Variants in DPYD observed in about 807,000 individuals in gnomAD.
DPYD encodes dihydropyrimidine dehydrogenase [NADP(+)].
DPYD carries 109 observed loss-of-function variants against 116.2 expected under a neutral mutation model. The ratio of observed to expected loss-of-function variants is 0.94; its 90% CI spans 0.80 to 1.10. The LOEUF (loss-of-function observed/expected upper bound fraction) is 1.10, where lower values mean the gene tolerates loss of function less well. DPYD is among the 50% of genes least tolerant of loss of function. DPYD has a pLI of 0.00. For synonymous variants in DPYD, 440 were observed against 432.0 expected (o/e 1.02, Z -0.23); for missense variants, 1,302 against 1,254.5 (o/e 1.04, Z -0.57).
At chr1:97,485,924 A>C (rs947116890) in intron 13 of DPYD, among the ~76,000 whole-genome samples, 1 of 152,216 alleles carries the variant, frequency 6.6e-6, no homozygotes, top group African/African-American at 2.4e-5. Flanking sequence ...GTAGTTTTAA[A>C]AAATTGATAT....
At chr1:97,824,671 A>C (rs933439012) in intron 3 of DPYD, among the ~76,000 whole-genome samples, 2 of 152,052 alleles carry the variant, frequency 1.3e-5, no homozygotes, top group African/African-American at 4.8e-5. Context: ...CAGGAATTCC[A>C]TTCCCCTGTC....
chr1:97,548,621 C>T (rs1169613625), intron 12 of DPYD, among the ~76,000 whole-genome samples: 1 of 152,018 alleles, frequency 6.6e-6, no homozygotes, highest in Non-Finnish European at 1.5e-5. Context: ...CCTATAGTCC[C>T]AGCTACTCAG....
intron 19 of DPYD, among the ~76,000 whole-genome samples, chr1:97,227,642 TTTGG>T (rs199589890): frequency 0.026 from 4,008 of 151,984 alleles, 180 homozygotes; most frequent in African/African-American, 0.092. Context: ...ATAAATGCAA[TTTGG>T]TTTTCTCAGC....
intron 8 of DPYD, among the ~76,000 whole-genome samples, chr1:97,637,419 T>G (rs114280634): frequency 2.5e-3 from 387 of 152,232 alleles, no homozygotes; most frequent in African/African-American, 7.5e-3. Context: ...ATAAACCTTT[T>G]TTCCTTCTGA....
chr1:97,834,722 T>C (rs917057985), intron 2 of DPYD, among the ~76,000 whole-genome samples: 11 of 151,874 alleles, frequency 7.2e-5, no homozygotes, highest in Non-Finnish European at 1.0e-4. Context: ...AGTACATGCA[T>C]TTCTCATGTA....
intron 20 of DPYD, among the ~76,000 whole-genome samples, chr1:97,174,441 G>T (rs923951812): frequency 2.6e-5 from 4 of 151,176 alleles, no homozygotes; most frequent in African/African-American, 9.7e-5. Context: ...CAGCCTCCCT[G>T]ATGTGAAAGG....
At chr1:97,610,040 T>G (rs1571054710) in intron 8 of DPYD, among the ~76,000 whole-genome samples, 1 of 152,176 alleles carries the variant, frequency 6.6e-6, no homozygotes, top group East Asian at 1.9e-4. Flanking sequence ...AGTGTTATTT[T>G]TCTTCTTTCA....
intron 13 of DPYD, among the ~76,000 whole-genome samples, chr1:97,496,340 C>T (rs1348346779): frequency 6.6e-6 from 1 of 151,988 alleles, no homozygotes; most frequent in Non-Finnish European, 1.5e-5. Context: ...AAGCACATTG[C>T]CTAGAAATAA....
intron 14 of DPYD, among the ~76,000 whole-genome samples, chr1:97,427,758 G>T (rs977713322): frequency 6.6e-6 from 1 of 151,106 alleles, no homozygotes; most frequent in Non-Finnish European, 1.5e-5. Flanking sequence ...TCCAGAAATA[G>T]ATATTAATCC....
rs527553220 is a variant in DPYD at position 97,538,626 on chromosome 1, C to T, written c.1524+10934G>A. ...TCATGAACCTAATAAACACCTATTT[C>T]AAAATATACCCATATACTACATGTA... On this transcript the variant is annotated intron_variant, in intron 12 of 22. Transcript: ENST00000370192. 9.9e-5 allele frequency among the ~76,000 whole-genome samples: 15 copies of T among 152,278 alleles called. No individual in the cohort carries two copies. In the South Asian group the frequency reaches 2.7e-3, roughly 27 times the overall value.
chr1:97,695,495 G>C (rs561128964), intron 6 of DPYD, among the ~76,000 whole-genome samples: 1 of 150,176 alleles, frequency 6.7e-6, no homozygotes, highest in African/African-American at 2.5e-5. Flanking sequence ...GTCTCCCCAC[G>C]ACTAAAATAT....
chr1:97,521,336 C>A (rs1648647677), intron 12 of DPYD, among the ~76,000 whole-genome samples: 1 of 151,964 alleles, frequency 6.6e-6, no homozygotes, highest in Admixed American at 6.6e-5. Context: ...GAATAAAATA[C>A]CAAGAAATAC....
intron 18 of DPYD, among the ~76,000 whole-genome samples, chr1:97,237,878 A>T (rs1267643369): frequency 1.3e-5 from 2 of 152,154 alleles, no homozygotes; most frequent in African/African-American, 4.8e-5. Flanking sequence ...AGTAAATTTG[A>T]GCTAAGTAGA....
intron 8 of DPYD, among the ~76,000 whole-genome samples, chr1:97,663,801 T>C (rs1659401431): frequency 2.0e-5 from 3 of 152,168 alleles, no homozygotes; most frequent in Non-Finnish European, 4.4e-5. Flanking sequence ...AGCAAGAATA[T>C]AGAGCTGTTA....
intron 20 of DPYD, among the ~76,000 whole-genome samples, chr1:97,132,398 G>A (rs922686751): frequency 3.3e-5 from 5 of 151,928 alleles, no homozygotes; most frequent in African/African-American, 7.2e-5. Flanking sequence ...ACATAGCTAC[G>A]GTACAGTGTA....
intron 19 of DPYD, among the ~76,000 whole-genome samples, chr1:97,212,643 A>G (rs1319905810): frequency 6.6e-6 from 1 of 152,126 alleles, no homozygotes; most frequent in Non-Finnish European, 1.5e-5. Context: ...AGAAACTGCC[A>G]AACTGTTTTC....
intron 1 of DPYD, among the ~76,000 whole-genome samples, chr1:97,898,566 TTTTG>T (rs1225877037): frequency 6.6e-6 from 1 of 151,860 alleles, no homozygotes; most frequent in Non-Finnish European, 1.5e-5. Context: ...GTTTCATATA[TTTTG>T]TTTCTTTTTT....
chr1:97,417,335 A>G (rs1200076755), intron 14 of DPYD, among the ~76,000 whole-genome samples: 4 of 152,078 alleles, frequency 2.6e-5, no homozygotes, highest in African/African-American at 9.7e-5. Flanking sequence ...CTCTATCTCC[A>G]TTGCTTCTTT....
In DPYD at chr1:97,515,893, A is replaced by G. The variant is rs758154803; in HGVS notation, c.1573T>C (p.Tyr525His). 6.2e-7 allele frequency: 1 copy of G among 1,612,810 alleles called. No individual in the cohort carries two copies. Among genetic ancestry groups the G allele is most frequent in the African/African-American group, 1.3e-5 (1 of 74,870 alleles). ...VSAKPELPLF[Y>H]TPIDLVDISV... ...ATGTCCACCAGATCAATAGGAGTGT[A>G]AAAGAGGGGTAGTTCAGGCTTGGCA... is the stretch of plus-strand genomic sequence containing the variant. Residue 525 changes from tyrosine to histidine, a missense_variant, in exon 13 of 23, where the codon TAC (tyrosine) becomes CAC (histidine). By Grantham distance (83) the Tyr-to-His change is moderately conservative (BLOSUM62 2). Coordinates refer to ENST00000370192, the MANE Select transcript of DPYD (RefSeq NM_000110.4).
Sources: allele counts gnomAD v4.1 joint callset (sites outside exome capture counted in the v4.1 genomes callset), GRCh38; gene constraint gnomAD v4.1.1; transcripts MANE v1.5; gene names NCBI Gene and HGNC (gene_info 2026-07-23, HGNC 2026-07-21).